Variants in KLHL6 observed in about 807,000 individuals in gnomAD.
The protein encoded by KLHL6 is kelch-like protein 6.
A neutral mutation model predicts 58.6 loss-of-function variants in KLHL6; 41 were observed. That is an observed-to-expected ratio of 0.70 (90% CI 0.55 to 0.91). The LOEUF is 0.91. KLHL6 is among the 40% of genes least tolerant of loss of function. The pLI is 0.00. For missense variants in KLHL6, 714 were observed against 805.6 expected (o/e 0.89, Z 1.38); for synonymous variants, 338 against 322.7 (o/e 1.05, Z -0.51).
intron 2 of KLHL6, among the ~76,000 whole-genome samples, chr3:183,525,019 A>C (rs2108683675): frequency 6.6e-6 from 1 of 152,180 alleles, no homozygotes; most frequent in Admixed American, 6.5e-5. Flanking sequence ...TAATCCCAGC[A>C]CTTTGGGAGG....
intron 2 of KLHL6, among the ~76,000 whole-genome samples, chr3:183,524,043 G>A (rs1711864123): frequency 6.6e-6 from 1 of 152,172 alleles, no homozygotes; most frequent in Admixed American, 6.5e-5. Context: ...TTACAGGTGT[G>A]AGCCACTGTG....
chr3:183,508,073 G>A lies in KLHL6; in HGVS notation c.895C>T (p.Leu299Phe). Residue 299 changes from leucine (L) to phenylalanine (F), a missense_variant, in exon 3 of 7, where the codon CTT (leucine) becomes TTT (phenylalanine). By Grantham distance (22) the Leu-to-Phe change is conservative (BLOSUM62 0). Around this residue, in one of 2 missense-constraint regions of KLHL6, gnomAD observed 510 missense variants for 629.7 expected, o/e 0.81. Coordinates refer to ENST00000341319, the MANE Select transcript of KLHL6 (RefSeq NM_130446.4). ...PLLQEARMYH[L>F]SGNEIISERT... ...CTTCTACTCACCTCATTGCCAGAAAGGTGGTACATCCTGGCTTCCTGGAGC... is the reference window on the plus strand; with the variant it reads ...CTTCTACTCACCTCATTGCCAGAAAAGTGGTACATCCTGGCTTCCTGGAGC... 1 of 1,613,652 alleles carries A rather than the reference G, an allele frequency of 6.2e-7. No homozygotes were observed. Among genetic ancestry groups the A allele is most frequent in the Non-Finnish European group, 8.5e-7 (1 of 1,179,634 alleles).
In KLHL6 at chr3:183,498,808, T is replaced by C. The variant is rs931943676; in HGVS notation, c.1147+782A>G. The stretch of plus-strand genomic sequence containing the variant: ...GGGAAAGGCAGACACAAAGTAACGA[T>C]CAATACTGAAGCAAACACTTTCGTA... On this transcript the variant is annotated intron_variant, in intron 4 of 6. Coordinates refer to ENST00000341319, the MANE Select transcript of KLHL6 (RefSeq NM_130446.4). 3.3e-5 allele frequency among the ~76,000 whole-genome samples: 5 copies of C among 152,250 alleles called. No individual in the cohort carries two copies. In the East Asian group the frequency reaches 7.7e-4, roughly 24 times the overall value.
intron 2 of KLHL6, chr3:183,523,038 C>G (rs1175388888): frequency 6.6e-6 from 1 of 152,164 alleles, no homozygotes; most frequent in Non-Finnish European, 1.5e-5. Context: ...CTCCTGACCC[C>G]GTGATCCGCC....
intron 1 of KLHL6, among the ~76,000 whole-genome samples, chr3:183,538,657 G>C (rs1447112033): frequency 6.6e-6 from 1 of 152,110 alleles, no homozygotes; most frequent in Non-Finnish European, 1.5e-5. Flanking sequence ...TCAATCAAAG[G>C]GGGTTCCATT....
At chr3:183,551,678 A>T (rs1712920561) in intron 1 of KLHL6, among the ~76,000 whole-genome samples, 1 of 152,246 alleles carries the variant, frequency 6.6e-6, no homozygotes, top group Non-Finnish European at 1.5e-5. Flanking sequence ...GATGTCTAAC[A>T]CTGAAAAATC....
intron 2 of KLHL6, among the ~76,000 whole-genome samples, chr3:183,519,799 G>A (rs1420217020): frequency 6.7e-6 from 1 of 149,272 alleles, no homozygotes; most frequent in East Asian, 2.0e-4. Context: ...GAAAGGCCAA[G>A]GTAGGAAAAT....
Position 183,494,228 on chromosome 3 carries a change from A to C in KLHL6, c.1201T>G (p.Trp401Gly). The C allele has an allele frequency of 6.2e-7, 1 of 1,614,000 alleles. No homozygotes were observed. The highest frequency in any genetic ancestry group is 8.5e-7 in the Non-Finnish European group (1 of 1,179,918). The change falls in exon 5 of 7, where the codon TGG becomes GGG. Residue 401 changes from tryptophan to glycine, a missense_variant. By Grantham distance (184) the Trp-to-Gly change is radical. Transcript: ENST00000341319. ...ATGTTTAAATACTCAATCTGAATCC[A>C]CTTGTTGATCGAAGAATTATATTTC... ...VWKYNSSINK[W>G]IQIEYLNIGR... is the part of the protein sequence containing the mutation.
Position 183,496,804 on chromosome 3 carries a change from C to T in KLHL6, c.1148-2523G>A, listed in dbSNP as rs1717723770. Among the ~76,000 whole-genome samples, 4 of 152,194 alleles carry T rather than the reference C, an allele frequency of 2.6e-5. No homozygotes were observed. The South Asian group carries it at 8.3e-4, about 31-fold the overall frequency. Reference sequence around the variant, plus strand: ...ATAACAAGCATGCTTTCAGGTATTGCTTGTATCATTAAAAAGTGAACAACA... The same window carrying T: ...ATAACAAGCATGCTTTCAGGTATTGTTTGTATCATTAAAAAGTGAACAACA... On this transcript the variant is annotated intron_variant, in intron 4 of 6. Transcript: ENST00000341319.
chr3:183,527,067 C>A (rs1175498395), intron 2 of KLHL6, among the ~76,000 whole-genome samples: 2 of 151,660 alleles, frequency 1.3e-5, no homozygotes, highest in South Asian at 2.1e-4. Context: ...CCATTGCATT[C>A]CAGCCTGGGC....
In KLHL6 at chr3:183,499,029, T is replaced by TC. The variant is rs892365418; in HGVS notation, c.1147+560dup. 6.6e-6 allele frequency among the ~76,000 whole-genome samples: 1 copy of TC among 152,178 alleles called. No homozygotes were observed. Among genetic ancestry groups the TC allele is most frequent in the Non-Finnish European group, 1.5e-5 (1 of 68,022 alleles). ...GGAAGGACTAGACTTGTCTGCCTCCTCCCCAGGTTTTCTATTAATAGTACA... is the reference window on the plus strand; with the variant it reads ...GGAAGGACTAGACTTGTCTGCCTCCTCCCCCAGGTTTTCTATTAATAGTACA... On this transcript the variant is annotated intron_variant, in intron 4 of 6. Transcript: ENST00000341319. The surrounding 1 kb of genome is among the most constrained non-coding windows in gnomAD (Gnocchi z 4.6).
chr3:183,505,517 A>G (rs1371237278), intron 3 of KLHL6, among the ~76,000 whole-genome samples: 1 of 152,252 alleles, frequency 6.6e-6, no homozygotes, highest in African/African-American at 2.4e-5. Context: ...CTAAGCAGAA[A>G]GAAAGAAAAT....
At chr3:183,534,948 A>T (rs34350986) in intron 1 of KLHL6, among the ~76,000 whole-genome samples, 7,648 of 30,842 alleles carry the variant, frequency 0.25, 405 homozygotes, top group East Asian at 0.47. Context: ...ATATATATAT[A>T]TATTTTTTTT....
chr3:183,492,137 AC>A lies in KLHL6; in HGVS notation c.1655del (p.Gly552ValfsTer35). ...AGAGCCGGTTGTTGCAGGGCGCGAT[AC>A]CGCAGCTGGCCCGCTCGTGGCTGAG... is the stretch of plus-strand genomic sequence containing the variant. ...TQLSHERASC[G>X]IAPCNNRLYI... On this transcript the variant is annotated frameshift_variant, in exon 7 of 7. Coordinates refer to ENST00000341319, the MANE Select transcript of KLHL6 (RefSeq NM_130446.4). LOFTEE classifies it high-confidence loss of function. This position sits in a 1 kb window ranked among gnomAD's most constrained non-coding sequence, Gnocchi z 5.9. 1 of 1,613,618 alleles carries A rather than the reference AC, an allele frequency of 6.2e-7. No homozygotes were observed. The highest frequency in any genetic ancestry group is 8.5e-7 in the Non-Finnish European group (1 of 1,180,010).
intron 2 of KLHL6, chr3:183,521,630 T>A (rs1197988596): frequency 1.3e-5 from 2 of 151,974 alleles, no homozygotes; most frequent in African/African-American, 4.8e-5. Context: ...CTTTAGCGTT[T>A]CCTTAACATT....
At position 183,538,382 on chromosome 3, in the gene KLHL6, G is replaced by A. The variant is rs1179495368; in HGVS notation, c.294-10372C>T. Among the ~76,000 whole-genome samples the A allele has an allele frequency of 2.6e-5, 4 of 151,866 alleles. No homozygotes were observed. In the East Asian group the frequency reaches 5.8e-4, roughly 22 times the overall value. On this transcript the variant is annotated intron_variant, in intron 1 of 6. Transcript: ENST00000341319. Reference sequence around the variant, plus strand: ...ACTCCCACTATCTCACTCCTACACCGGCTCCACCTGTCTGCCCCCTGTTCT... The same window carrying A: ...ACTCCCACTATCTCACTCCTACACCAGCTCCACCTGTCTGCCCCCTGTTCT...
chr3:183,542,649 C>G (rs2108693909), intron 1 of KLHL6, among the ~76,000 whole-genome samples: 1 of 152,262 alleles, frequency 6.6e-6, no homozygotes, highest in Non-Finnish European at 1.5e-5. Context: ...TCTCACAGCC[C>G]CTGTCCCCAG....
chr3:183,508,297 C>G lies in KLHL6; in HGVS notation c.671G>C (p.Ser224Thr). ...PVDTLHHILK[S>T]DDLYVTEEAQ... Reference sequence around the variant, plus strand: ...CTCCTCGGTCACGTAAAGGTCATCACTCTTCAAGATGTGGTGCAGAGTGTC... The same window carrying G: ...CTCCTCGGTCACGTAAAGGTCATCAGTCTTCAAGATGTGGTGCAGAGTGTC... Residue 224 changes from serine to threonine, a missense_variant, in exon 3 of 7, where the codon AGT becomes ACT. Around this residue, in one of 2 missense-constraint regions of KLHL6, gnomAD observed 510 missense variants for 629.7 expected, o/e 0.81. Transcript: ENST00000341319. 3.7e-6 allele frequency: 6 copies of G among 1,614,250 alleles called. No homozygotes were observed. The highest frequency in any genetic ancestry group is 5.1e-6 in the Non-Finnish European group (6 of 1,180,038).
chr3:183,554,896 G>A (rs577564989), intron 1 of KLHL6, among the ~76,000 whole-genome samples: 57 of 152,266 alleles, frequency 3.7e-4, no homozygotes, highest in South Asian at 1.0e-3. Flanking sequence ...CGGGCGCAGC[G>A]TCTCACACCT....
Sources: allele counts gnomAD v4.1 joint callset (sites outside exome capture counted in the v4.1 genomes callset), GRCh38; gene constraint gnomAD v4.1.1; regional missense constraint gnomAD v4.1.1; non-coding constraint Gnocchi (gnomAD v3.1); transcripts MANE v1.5; gene names NCBI Gene and HGNC (gene_info 2026-07-23, HGNC 2026-07-21).